The following ZNF787 variants were observed in gnomAD, a reference collection of about 807,000 sequenced individuals.
The protein encoded by ZNF787 is TTF-I-interacting peptide 20.
A neutral mutation model predicts 16.9 loss-of-function variants in ZNF787; 7 were observed. That is an observed-to-expected ratio of 0.42 (90% confidence interval 0.24 to 0.78). ZNF787 has a LOEUF of 0.78. ZNF787 is among the 30% of genes least tolerant of loss of function. The probability of loss-of-function intolerance (pLI) is 0.30; values close to 1 mark genes in which losing one functional copy is unlikely to be tolerated. For synonymous variants in ZNF787, 345 were observed against 270.9 expected (o/e 1.27, Z -2.69); for missense variants, 551 against 589.3 (o/e 0.94, Z 0.67).
intron 1 of ZNF787, among the ~76,000 whole-genome samples, chr19:56,109,982 G>A (rs1229186004): frequency 2.0e-5 from 3 of 152,030 alleles, no homozygotes; most frequent in African/African-American, 7.2e-5. Context: ...GCCACTGCAC[G>A]CAGCCTAATG....
chr19:56,102,848 G>T, intron 2 of ZNF787: 1 of 700,488 alleles, frequency 1.4e-6, no homozygotes, highest in Non-Finnish European at 2.6e-6. Context: ...CAACAGACGG[G>T]GGTGCTGCCC....
Position 56,088,669 on chromosome 19 carries a change from T to C in ZNF787, c.503A>G (p.His168Arg). The change falls in exon 3 of 3, where the codon CAC (histidine) becomes CGC (arginine). Residue 168 changes from histidine to arginine, a missense_variant. Physicochemically the swap from His to Arg is conservative, Grantham distance 29. Coordinates refer to ENST00000610935, the MANE Select transcript of ZNF787 (RefSeq NM_001002836.4). This position sits in a 1 kb window ranked among gnomAD's most constrained non-coding sequence, Gnocchi z 8.6. ...CTTGAGGCCGCTGTGCGAGCGCCGG[T>C]GCTTGGCCAGGCTCTTGCTCTGAGT... The part of the protein sequence containing the change: ...SFTQSKSLAK[H>R]RRSHSGLKPF... The C allele has an allele frequency of 6.3e-7, 1 of 1,577,508 alleles. No homozygotes were observed. The highest frequency in any genetic ancestry group is 8.6e-7 in the Non-Finnish European group (1 of 1,166,842).
chr19:56,112,377 C>G (rs1342233001), intron 1 of ZNF787, among the ~76,000 whole-genome samples: 1 of 152,202 alleles, frequency 6.6e-6, no homozygotes, highest in African/African-American at 2.4e-5. Flanking sequence ...TGGCTCTGAC[C>G]TCCGCTGCAG....
rs1387838201 is a variant in ZNF787, at chr19:56,089,067, G to T, written c.105C>A (p.Asp35Glu). The change falls in exon 3 of 3, where the codon GAC becomes GAA. Residue 35 changes from aspartate (D) to glutamate (E), a missense_variant. Physicochemically the swap from Asp to Glu is conservative, Grantham distance 45. Around this residue, in one of 4 missense-constraint regions of ZNF787, gnomAD observed 80 missense variants for 105.9 expected, o/e 0.76. Coordinates refer to ENST00000610935, the MANE Select transcript of ZNF787 (RefSeq NM_001002836.4). ...NPVDILIMDD[D>E]DVPSWPPTKL... ...TGGTGGGAGGCCAGCTGGGGACGTC[G>T]TCATCATCCATGATGAGGATGTCCA... The T allele has an allele frequency of 6.8e-7, 1 of 1,466,942 alleles. No homozygotes were observed. 90.9% of individuals were successfully genotyped at this position (1,466,942 alleles called of 1,614,324 possible). A position where few individuals can be genotyped will look rare whatever the true frequency, so the allele number is the denominator to read the frequency against.
intron 1 of ZNF787, among the ~76,000 whole-genome samples, chr19:56,105,953 C>T (rs372901861): frequency 1.5e-5 from 2 of 131,750 alleles, no homozygotes; most frequent in South Asian, 4.9e-4. Context: ...CGCATTCCCC[C>T]CTCCGCGCCC....
chr19:56,091,672 C>G (rs1186405419), intron 2 of ZNF787, among the ~76,000 whole-genome samples: 1 of 152,212 alleles, frequency 6.6e-6, no homozygotes, highest in Non-Finnish European at 1.5e-5. Flanking sequence ...ACAGGCATCT[C>G]TGCACTACTT....
rs977849558 is a variant in ZNF787 at position 56,087,887 on chromosome 19, G to C, written c.*136C>G. On this transcript the variant is annotated 3_prime_UTR_variant, in exon 3 of 3. Transcript: ENST00000610935. ...CCCCCCCACGGACGGCGCAGGGACA[G>C]AGGAGGGCGGGGAGCCGGGGATGCC... 7.9e-7 allele frequency: 1 copy of C among 1,261,168 alleles called. No individual in the cohort carries two copies. Among genetic ancestry groups the C allele is most frequent in the Non-Finnish European group, 1.0e-6 (1 of 999,242 alleles). 78.1% of individuals were successfully genotyped at this position (1,261,168 alleles called of 1,614,324 possible).
chr19:56,098,673 C>T (rs1324729803), intron 2 of ZNF787, among the ~76,000 whole-genome samples: 1 of 15,912 alleles, frequency 6.3e-5, no homozygotes, highest in Non-Finnish European at 2.7e-4. Flanking sequence ...GTGATATGGC[C>T]GCCGGGTGAT....
intron 2 of ZNF787, among the ~76,000 whole-genome samples, chr19:56,099,723 AAAG>A (rs976119948): frequency 8.6e-5 from 13 of 151,106 alleles, no homozygotes; most frequent in African/African-American, 3.2e-4. Context: ...AAAAAAAAAA[AAAG>A]AAAAGAGAGA....
At chr19:56,109,072 G>A (rs567062674) in intron 1 of ZNF787, among the ~76,000 whole-genome samples, 3 of 152,260 alleles carry the variant, frequency 2.0e-5, no homozygotes, top group South Asian at 2.1e-4. Flanking sequence ...AAGGAATGAC[G>A]GCTGGCACCC....
At chr19:56,093,172 C>T (rs1044422979) in intron 2 of ZNF787, among the ~76,000 whole-genome samples, 1 of 134,510 alleles carries the variant, frequency 7.4e-6, no homozygotes, top group Non-Finnish European at 1.6e-5. Flanking sequence ...TCCATAGACA[C>T]GGGGATGGCG....
intron 1 of ZNF787, among the ~76,000 whole-genome samples, chr19:56,117,650 A>G (rs1469360999): frequency 6.6e-6 from 1 of 152,230 alleles, no homozygotes; most frequent in Non-Finnish European, 1.5e-5. Context: ...AACGTCCACC[A>G]TTGAGGATGG....
chr19:56,098,037 G>T (rs1263178048), intron 2 of ZNF787, among the ~76,000 whole-genome samples: 2 of 151,756 alleles, frequency 1.3e-5, no homozygotes, highest in Non-Finnish European at 2.9e-5. Flanking sequence ...CCCCACCCCC[G>T]ACCCAGGTCT....
intron 1 of ZNF787, among the ~76,000 whole-genome samples, chr19:56,119,520 G>T (rs1183680381): frequency 6.6e-6 from 1 of 152,194 alleles, no homozygotes; most frequent in Non-Finnish European, 1.5e-5. Context: ...TTCCCGCTGA[G>T]GTCAATACTA....
At chr19:56,103,717 A>G (rs946046807) in intron 1 of ZNF787, among the ~76,000 whole-genome samples, 1 of 152,128 alleles carries the variant, frequency 6.6e-6, no homozygotes, top group Non-Finnish European at 1.5e-5. Flanking sequence ...GGGTCTCTGC[A>G]CACGACACTC....
rs777650908 is a variant in ZNF787, at chr19:56,103,225, T to C, written c.-8A>G. On this transcript the variant is annotated splice_region_variant and 5_prime_UTR_variant, in exon 2 of 3. Coordinates refer to ENST00000610935, the MANE Select transcript of ZNF787 (RefSeq NM_001002836.4). ...TTCTTCCCGCAGCTCCATGTCTGGGTCCCTGTTAGAAGGGGATGAGACAGA... is the reference window on the plus strand; with the variant it reads ...TTCTTCCCGCAGCTCCATGTCTGGGCCCCTGTTAGAAGGGGATGAGACAGA... 8 of 1,548,478 alleles carry C rather than the reference T, an allele frequency of 5.2e-6. No individual in the cohort carries two copies. The African/African-American group carries it at 1.1e-4, about 21-fold the overall frequency.
Position 56,089,110 on chromosome 19 carries a change from A to AG in ZNF787, c.80-19dup. 7 of 1,439,986 alleles carry AG rather than the reference A, an allele frequency of 4.9e-6. No homozygotes were observed. The highest frequency in any genetic ancestry group is 6.4e-6 in the Non-Finnish European group (7 of 1,101,564). 89.2% of individuals were successfully genotyped at this position (1,439,986 alleles called of 1,614,324 possible). A position where few individuals can be genotyped will look rare whatever the true frequency, so the allele number is the denominator to read the frequency against. ...GATGTCCACTGGAAAGCAAGAGGGT[A>AG]GGGGGAGGTGAGTCAAGAGAGGCAA... On this transcript the variant is annotated intron_variant, in intron 2 of 2. Coordinates refer to ENST00000610935, the MANE Select transcript of ZNF787 (RefSeq NM_001002836.4).
chr19:56,110,491 G>A (rs1188419653), intron 1 of ZNF787, among the ~76,000 whole-genome samples: 4 of 151,440 alleles, frequency 2.6e-5, no homozygotes, highest in Non-Finnish European at 5.9e-5. Context: ...CATTAAAAAT[G>A]CGTAAGACTC....
intron 2 of ZNF787, among the ~76,000 whole-genome samples, chr19:56,098,477 G>A (rs1454094376): frequency 6.6e-6 from 1 of 151,750 alleles, no homozygotes; most frequent in African/African-American, 2.4e-5. Context: ...ACGGCCGCAA[G>A]GTGATGCCGC....
Sources: gnomAD v4.1 joint callset for allele counts (sites outside exome capture counted in the v4.1 genomes callset) on GRCh38, gnomAD v4.1.1 for gene constraint, gnomAD v4.1.1 regional missense constraint, Gnocchi (gnomAD v3.1) non-coding constraint, MANE v1.5 for transcripts, NCBI Gene and HGNC (gene_info 2026-07-23, HGNC 2026-07-21) for gene names.